The following STXBP6 variants were observed in gnomAD, a reference collection of about 807,000 sequenced individuals.
The protein encoded by STXBP6 is syntaxin binding protein 6.
STXBP6 carries 21 observed loss-of-function variants against 26.9 expected under a neutral mutation model. That is an observed-to-expected ratio of 0.78 (90% CI 0.55 to 1.12). STXBP6 has a LOEUF of 1.12. Among genes scored for constraint, STXBP6 ranks in the 50% most tolerant of loss-of-function variants. STXBP6 has a pLI of 0.00. For synonymous variants in STXBP6, 97 were observed against 92.6 expected (o/e 1.05, Z -0.27); for missense variants, 232 against 257.9 (o/e 0.90, Z 0.69).
chr14:24,925,256 G>C (rs758590063), intron 2 of STXBP6, among the ~76,000 whole-genome samples: 1 of 152,156 alleles, frequency 6.6e-6, no homozygotes, highest in Non-Finnish European at 1.5e-5. Flanking sequence ...CTCATTACAA[G>C]ATGCACATAG....
chr14:24,939,715 CAAAG>C (rs987420059), intron 2 of STXBP6, among the ~76,000 whole-genome samples: 3 of 152,134 alleles, frequency 2.0e-5, no homozygotes, highest in African/African-American at 7.2e-5. Flanking sequence ...TGGAAAACTA[CAAAG>C]AAACAGGTGA....
At chr14:24,972,879 G>A (rs1371164555) in intron 2 of STXBP6, among the ~76,000 whole-genome samples, 1 of 152,056 alleles carries the variant, frequency 6.6e-6, no homozygotes, top group African/African-American at 2.4e-5. Flanking sequence ...CACTTTGGGA[G>A]ACCTAAGTAG....
At chr14:25,012,452 C>T (rs1034402180) in intron 1 of STXBP6, among the ~76,000 whole-genome samples, 16 of 151,952 alleles carry the variant, frequency 1.1e-4, no homozygotes, top group African/African-American at 3.1e-4. Flanking sequence ...ATGGCAAAGC[C>T]CCATCTCTAC....
chr14:25,002,385 A>T (rs1751480548), intron 1 of STXBP6, among the ~76,000 whole-genome samples: 1 of 80,228 alleles, frequency 1.2e-5, no homozygotes. Flanking sequence ...TTTGAGACAC[A>T]GTCTCGCTCT....
chr14:24,917,673 A>C (rs2071817131), intron 2 of STXBP6, among the ~76,000 whole-genome samples: 1 of 152,122 alleles, frequency 6.6e-6, no homozygotes, highest in Non-Finnish European at 1.5e-5. Context: ...CATAGATAAC[A>C]ATCTTTATTA....
At chr14:24,899,148 G>A (rs1197109614) in intron 2 of STXBP6, among the ~76,000 whole-genome samples, 1 of 152,168 alleles carries the variant, frequency 6.6e-6, no homozygotes, top group Non-Finnish European at 1.5e-5. Context: ...TATGAGCTAG[G>A]AATGGTGGAC....
intron 2 of STXBP6, among the ~76,000 whole-genome samples, chr14:24,952,786 C>T (rs1003768020): frequency 1.5e-4 from 23 of 152,254 alleles, no homozygotes; most frequent in African/African-American, 5.3e-4. Context: ...TTATTTAATG[C>T]TGTCCATAAA....
chr14:24,968,170 A>AATAT (rs72223372), intron 2 of STXBP6, among the ~76,000 whole-genome samples: 2,887 of 144,310 alleles, frequency 0.02, 49 homozygotes, highest in African/African-American at 0.044. Flanking sequence ...TATAATAAAG[A>AATAT]ATATATATAT....
At chr14:24,874,993 G>C (rs2070082780) in intron 2 of STXBP6, among the ~76,000 whole-genome samples, 1 of 152,186 alleles carries the variant, frequency 6.6e-6, no homozygotes, top group Non-Finnish European at 1.5e-5. Flanking sequence ...ATTTGGCCTA[G>C]AAACTAAGCA....
intron 1 of STXBP6, among the ~76,000 whole-genome samples, chr14:25,043,330 C>T (rs983094076): frequency 6.6e-6 from 1 of 152,040 alleles, no homozygotes; most frequent in African/African-American, 2.4e-5. Context: ...TTCCCGATAG[C>T]AGAAAATTTA....
intron 2 of STXBP6, among the ~76,000 whole-genome samples, chr14:24,968,202 A>G (rs1256501366): frequency 6.8e-6 from 1 of 147,308 alleles, no homozygotes; most frequent in Non-Finnish European, 1.5e-5. Flanking sequence ...AAATTATTGC[A>G]GTTGCTTTGC....
chr14:24,989,820 C>T (rs1250218284), intron 1 of STXBP6, among the ~76,000 whole-genome samples: 1 of 152,234 alleles, frequency 6.6e-6, no homozygotes. Context: ...GTCTTTCTCA[C>T]AGACAGACTG....
intron 2 of STXBP6, among the ~76,000 whole-genome samples, chr14:24,896,389 G>T (rs1204739066): frequency 6.6e-6 from 1 of 152,092 alleles, no homozygotes; most frequent in Non-Finnish European, 1.5e-5. Flanking sequence ...AACAGAACCC[G>T]CTGTCAGCTT....
At chr14:24,935,688 G>T (rs966613334) in intron 2 of STXBP6, among the ~76,000 whole-genome samples, 1 of 151,912 alleles carries the variant, frequency 6.6e-6, no homozygotes, top group Non-Finnish European at 1.5e-5. Context: ...GTCTACTTTC[G>T]AACACACTTG....
At chr14:24,850,579 T>C (rs1315504370) in intron 4 of STXBP6, among the ~76,000 whole-genome samples, 2 of 152,190 alleles carry the variant, frequency 1.3e-5, no homozygotes, top group Non-Finnish European at 2.9e-5. Flanking sequence ...TAATTTCATC[T>C]TGCCCTTGTC....
chr14:25,037,993 T>A (rs957308884), intron 1 of STXBP6, among the ~76,000 whole-genome samples: 1 of 152,200 alleles, frequency 6.6e-6, no homozygotes, highest in Non-Finnish European at 1.5e-5. Flanking sequence ...CAGTGACAGG[T>A]AACCCCCATG....
Position 25,024,178 on chromosome 14 carries a change from A to G in STXBP6, c.-33+25700T>C, listed in dbSNP as rs574958921. Among the ~76,000 whole-genome samples, 637 of 152,188 alleles carry G rather than the reference A, an allele frequency of 4.2e-3. 20 individuals carry two copies. The highest frequency in any genetic ancestry group is 0.037 in the Admixed American group (562 of 15,264). On this transcript the variant is annotated intron_variant, in intron 1 of 5. Transcript: ENST00000323944. ...CAAAAAATTAGCCGGGCATGGTGGC[A>G]CACGCCTGTAGTCCCAGCTACTCAG...
intron 1 of STXBP6, chr14:24,987,786 A>T: frequency 1.0e-6 from 1 of 956,476 alleles, no homozygotes; most frequent in Non-Finnish European, 1.2e-6. Context: ...TTGTTACCCA[A>T]GGGAGATGCA....
At chr14:24,883,261 T>C (rs1958353) in intron 2 of STXBP6, among the ~76,000 whole-genome samples, 127,367 of 151,616 alleles carry the variant, frequency 0.84, 53,523 homozygotes, top group Admixed American at 0.9. Flanking sequence ...ATGTTTTTTT[T>C]TAAAAAATAC....
Sources: allele counts gnomAD v4.1 joint callset (sites outside exome capture counted in the v4.1 genomes callset), GRCh38; gene constraint gnomAD v4.1.1; transcripts MANE v1.5; gene names NCBI Gene and HGNC (gene_info 2026-07-23, HGNC 2026-07-21).